Variants in FGGY observed in about 807,000 individuals in gnomAD.
The protein encoded by FGGY is FGGY carbohydrate kinase domain-containing protein.
FGGY carries 72 observed loss-of-function variants against 71.3 expected under a neutral mutation model. That is an observed-to-expected ratio of 1.01 (90% CI 0.84 to 1.23). The LOEUF (loss-of-function observed/expected upper bound fraction) is 1.23, where lower values mean the gene tolerates loss of function less well. Among genes scored for constraint, FGGY ranks in the 50% most tolerant of loss-of-function variants. The pLI, the probability that FGGY is intolerant of heterozygous loss-of-function variation, is 0.00. For synonymous variants in FGGY, 251 were observed against 250.3 expected (o/e 1.00, Z -0.02); for missense variants, 668 against 682.3 (o/e 0.98, Z 0.23).
chr1:59,649,799 T>C (rs1212199985), intron 11 of FGGY, among the ~76,000 whole-genome samples: 1 of 140,780 alleles, frequency 7.1e-6, no homozygotes, highest in African/African-American at 3.0e-5. Context: ...TGAATAGGAG[T>C]GGTGAGAGAG....
chr1:59,434,792 C>T (rs556857242), intron 5 of FGGY, among the ~76,000 whole-genome samples: 1 of 152,144 alleles, frequency 6.6e-6, no homozygotes, highest in Admixed American at 6.5e-5. Flanking sequence ...AAGCCCCCCC[C>T]ACCTCCAAAT....
chr1:59,570,984 C>T (rs2095975804), intron 8 of FGGY, among the ~76,000 whole-genome samples: 2 of 152,180 alleles, frequency 1.3e-5, no homozygotes. Context: ...GAAGCCACAT[C>T]TTCCTCCACA....
At chr1:59,485,033 G>A (rs936877117) in intron 6 of FGGY, among the ~76,000 whole-genome samples, 16 of 152,168 alleles carry the variant, frequency 1.1e-4, no homozygotes, top group Non-Finnish European at 2.9e-5. Context: ...TTAAAGTAGA[G>A]GAGGCAGGAT....
At chr1:59,560,127 C>T (rs560312699) in intron 8 of FGGY, among the ~76,000 whole-genome samples, 16 of 152,250 alleles carry the variant, frequency 1.1e-4, no homozygotes, top group Admixed American at 9.8e-4. Flanking sequence ...GTTGATAGTA[C>T]GTACCCTTGA....
intron 6 of FGGY, among the ~76,000 whole-genome samples, chr1:59,469,471 A>C (rs2153541618): frequency 6.6e-6 from 1 of 152,358 alleles, no homozygotes. Flanking sequence ...GCATTAATCC[A>C]TTCATGAGGG....
intron 2 of FGGY, among the ~76,000 whole-genome samples, chr1:59,330,842 G>T (rs990782603): frequency 2.6e-5 from 4 of 152,158 alleles, no homozygotes; most frequent in African/African-American, 9.7e-5. Flanking sequence ...CCAATGGGGA[G>T]CTCCTCTAGA....
intron 6 of FGGY, among the ~76,000 whole-genome samples, chr1:59,492,604 A>G (rs2093901778): frequency 6.6e-6 from 1 of 152,112 alleles, no homozygotes; most frequent in Non-Finnish European, 1.5e-5. Flanking sequence ...GAAAACTTTC[A>G]CTAAATCCTC....
At chr1:59,479,643 T>C (rs1291644833) in intron 6 of FGGY, among the ~76,000 whole-genome samples, 2 of 152,136 alleles carry the variant, frequency 1.3e-5, no homozygotes, top group African/African-American at 4.8e-5. Context: ...GAGATGATCT[T>C]CTGACAGAGT....
chr1:59,361,522 G>C (rs1570984926), intron 4 of FGGY, among the ~76,000 whole-genome samples: 2 of 152,142 alleles, frequency 1.3e-5, no homozygotes, highest in East Asian at 1.9e-4. Context: ...ACCTCCGTGG[G>C]GCTGCAAATG....
At chr1:59,376,071 A>G (rs762024006) in intron 4 of FGGY, among the ~76,000 whole-genome samples, 5 of 152,024 alleles carry the variant, frequency 3.3e-5, no homozygotes, top group Non-Finnish European at 7.4e-5. Flanking sequence ...ACATATGGAA[A>G]TAGATTTCAG....
At chr1:59,745,142 G>T (rs898598405) in intron 14 of FGGY, among the ~76,000 whole-genome samples, 1 of 152,110 alleles carries the variant, frequency 6.6e-6, no homozygotes, top group African/African-American at 2.4e-5. Context: ...TTTTCCTCTG[G>T]AAGTTGGTTT....
At chr1:59,386,066 G>A (rs2060033542) in intron 5 of FGGY, among the ~76,000 whole-genome samples, 1 of 152,116 alleles carries the variant, frequency 6.6e-6, no homozygotes, top group African/African-American at 2.4e-5. Context: ...AGACGCTACA[G>A]AATTCCCATA....
chr1:59,304,471 G>A (rs933774235), intron 1 of FGGY, among the ~76,000 whole-genome samples: 1 of 151,952 alleles, frequency 6.6e-6, no homozygotes, highest in Admixed American at 6.5e-5. Flanking sequence ...GATTATTATA[G>A]CTTTGTAATA....
intron 8 of FGGY, among the ~76,000 whole-genome samples, chr1:59,579,464 G>A (rs2096146872): frequency 6.6e-6 from 1 of 152,108 alleles, no homozygotes; most frequent in African/African-American, 2.4e-5. Context: ...CTAAAATTTA[G>A]CATGTCAAAA....
chr1:59,414,460 C>G (rs910523264), intron 5 of FGGY, among the ~76,000 whole-genome samples: 1 of 152,200 alleles, frequency 6.6e-6, no homozygotes, highest in Non-Finnish European at 1.5e-5. Flanking sequence ...CCTCTGGAAG[C>G]TGCCATTGTG....
chr1:59,615,942 G>T (rs55770284), intron 9 of FGGY, among the ~76,000 whole-genome samples: 1 of 152,102 alleles, frequency 6.6e-6, no homozygotes, highest in African/African-American at 2.4e-5. Context: ...CAAAACCACA[G>T]TGAGATACCA....
chr1:59,340,966 T>A (rs778170380), intron 3 of FGGY, among the ~76,000 whole-genome samples: 2 of 152,218 alleles, frequency 1.3e-5, no homozygotes, highest in Non-Finnish European at 2.9e-5. Context: ...GTCAGTCAGC[T>A]GTTGCCAAGA....
At chr1:59,325,554 A>T (rs1482293799) in intron 2 of FGGY, among the ~76,000 whole-genome samples, 1 of 152,048 alleles carries the variant, frequency 6.6e-6, no homozygotes, top group Non-Finnish European at 1.5e-5. Context: ...TTATCTTTGC[A>T]TTTTACTTGT....
intron 7 of FGGY, among the ~76,000 whole-genome samples, chr1:59,548,351 A>G (rs561666467): frequency 2.0e-5 from 3 of 152,190 alleles, no homozygotes; most frequent in Non-Finnish European, 4.4e-5. Context: ...ATGCCAGGCA[A>G]TTCTGCAGGT....
Sources: gnomAD v4.1 joint callset for allele counts (sites outside exome capture counted in the v4.1 genomes callset) on GRCh38, gnomAD v4.1.1 for gene constraint, MANE v1.5 for transcripts, NCBI Gene and HGNC (gene_info 2026-07-23, HGNC 2026-07-21) for gene names.